The following ZNF541 variants were observed in gnomAD, a reference collection of about 807,000 sequenced individuals.
ZNF541 encodes the protein zinc finger protein 541.
Under a neutral mutation model 123.5 loss-of-function variants are expected in ZNF541, and 23 were observed. The ratio of observed to expected loss-of-function variants is 0.19; its 90% CI spans 0.13 to 0.26. The LOEUF (loss-of-function observed/expected upper bound fraction) is 0.26. Ranked by LOEUF, ZNF541 falls within the 10% of genes least tolerant of loss-of-function variation. The pLI is 1.00. For missense variants in ZNF541, 1,612 were observed against 1,789.9 expected, an observed-to-expected ratio of 0.90 and a Z score of 1.79; for synonymous variants, 751 against 754.5, an observed-to-expected ratio of 1.00 and a Z score of 0.08.
chr19:47,569,934 A>G (rs761622174), intron 2 of ZNF541, among the ~76,000 whole-genome samples: 2 of 151,920 alleles, frequency 1.3e-5, no homozygotes, highest in Non-Finnish European at 2.9e-5. Context: ...TCCCTCCTAT[A>G]GTCTTATAGT....
At chr19:47,540,610 T>G (rs1299461910) in intron 6 of ZNF541, among the ~76,000 whole-genome samples, 1 of 152,172 alleles carries the variant, frequency 6.6e-6, no homozygotes, top group Non-Finnish European at 1.5e-5. Context: ...TGGCTAATTT[T>G]TATATTTCTA....
At position 47,521,116 on chromosome 19, in the gene ZNF541, G is replaced by A. The variant is rs560216403; in HGVS notation, c.*108C>T. ...TGTTTGCAGGCAGGTTGGCCAACAG[G>A]GGACAGGGAGGGTGGGGGGAGGCAG... On this transcript the variant is annotated 3_prime_UTR_variant, in exon 17 of 17. Coordinates refer to ENST00000391901, the MANE Select transcript of ZNF541 (RefSeq NM_001277075.3). This position sits in a 1 kb window ranked among gnomAD's most constrained non-coding sequence, Gnocchi z 4.2. The A allele has an allele frequency of 3.6e-5, 50 of 1,389,644 alleles. No homozygotes were observed. In the South Asian group the frequency reaches 7.0e-4, roughly 19 times the overall value. The allele number at this position is 1,389,644 out of a possible 1,614,324, so 86.1% of individuals were successfully genotyped here.
intron 13 of ZNF541, among the ~76,000 whole-genome samples, chr19:47,529,347 C>G (rs1462398202): frequency 6.6e-6 from 1 of 152,318 alleles, no homozygotes; most frequent in East Asian, 1.9e-4. Flanking sequence ...GATCATTCCC[C>G]TTCCAGCTGG....
chr19:47,528,800 T>C (rs140941011), intron 14 of ZNF541, 150 bp downstream of exon 14: 62 of 623,312 alleles, frequency 9.9e-5, no homozygotes, highest in Admixed American at 1.7e-4. Context: ...TTCATGAGGA[T>C]AGCTTTTTGA....
intron 11 of ZNF541, 88 bp from the exon 12 acceptor site, chr19:47,531,833 G>C: frequency 8.2e-7 from 1 of 1,222,424 alleles, no homozygotes; most frequent in South Asian, 1.5e-5. Context: ...CAGCAGAGAG[G>C]GGGTGCCTTC....
At chr19:47,562,087 A>G (rs1208228851) in intron 2 of ZNF541, among the ~76,000 whole-genome samples, 1 of 152,080 alleles carries the variant, frequency 6.6e-6, no homozygotes, top group Non-Finnish European at 1.5e-5. Flanking sequence ...CGTCCCTACT[A>G]AAAATATAAA....
At chr19:47,561,932 T>C (rs1017257461) in intron 2 of ZNF541, among the ~76,000 whole-genome samples, 4 of 152,158 alleles carry the variant, frequency 2.6e-5, no homozygotes, top group African/African-American at 9.6e-5. Flanking sequence ...TTCCCAGAGT[T>C]ACCAGACTGC....
At chr19:47,539,138 C>T (rs1969965116) in intron 8 of ZNF541, among the ~76,000 whole-genome samples, 1 of 152,062 alleles carries the variant, frequency 6.6e-6, no homozygotes, top group South Asian at 2.1e-4. Flanking sequence ...AGGCCTGTCT[C>T]CTCCACTGGA....
At chr19:47,546,219 A>AAAG (rs1970351771) in intron 4 of ZNF541, among the ~76,000 whole-genome samples, 1 of 151,808 alleles carries the variant, frequency 6.6e-6, no homozygotes, top group Non-Finnish European at 1.5e-5. Context: ...AAAAAAAAAA[A>AAAG]AAAACCAGCG....
At chr19:47,532,423 C>T (rs1169981301) in intron 10 of ZNF541, among the ~76,000 whole-genome samples, 153 bp from the exon 11 acceptor site, 2 of 152,134 alleles carry the variant, frequency 1.3e-5, no homozygotes, top group East Asian at 1.9e-4. Context: ...GTGCTGTTCC[C>T]GACAGATGCA....
In ZNF541 at chr19:47,521,682, G is replaced by T. The variant is rs1279217851; in HGVS notation, c.3712-28C>A. 3 of 1,549,706 alleles carry T rather than the reference G, an allele frequency of 1.9e-6. No homozygotes were observed. Among genetic ancestry groups the T allele is most frequent in the South Asian group, 2.4e-5 (2 of 83,834 alleles). Reference sequence around the variant, plus strand: ...GCAGAGGGAGCAAAAGTGACATAAGGGTGCTGACCTGTCCTGCTGTAAGAG... The same window carrying T: ...GCAGAGGGAGCAAAAGTGACATAAGTGTGCTGACCTGTCCTGCTGTAAGAG... On this transcript the variant is annotated intron_variant, in intron 15 of 16. Transcript: ENST00000391901. This position sits in a 1 kb window ranked among gnomAD's most constrained non-coding sequence, Gnocchi z 4.2.
chr19:47,521,621 G>C lies in ZNF541; in HGVS notation c.3745C>G (p.His1249Asp), dbSNP rs1568477974. Reference sequence around the variant, plus strand: ...TTGGTCTTTAACTTGGGAGTTGGATGGTGGCTGGGTCTCTCCCGAGGGCTG... The same window carrying C: ...TTGGTCTTTAACTTGGGAGTTGGATCGTGGCTGGGTCTCTCCCGAGGGCTG... Reference protein sequence around the residue: ...PCSPRERPSHHPTPKLKTKSY... With the variant: ...PCSPRERPSHDPTPKLKTKSY... The change falls in exon 16 of 17, where the codon CAT becomes GAT. Residue 1249 changes from histidine (H) to aspartate (D), a missense_variant. Around this residue, in one of 5 missense-constraint regions of ZNF541, gnomAD observed 285 missense variants for 407.3 expected, o/e 0.70. Transcript: ENST00000391901. This position sits in a 1 kb window ranked among gnomAD's most constrained non-coding sequence, Gnocchi z 4.2. 6.4e-7 allele frequency: 1 copy of C among 1,551,762 alleles called. No individual in the cohort carries two copies. Among genetic ancestry groups the C allele is most frequent in the Non-Finnish European group, 8.7e-7 (1 of 1,146,976 alleles).
intron 12 of ZNF541, among the ~76,000 whole-genome samples, chr19:47,530,182 T>C (rs1969497590): frequency 6.6e-6 from 1 of 151,178 alleles, no homozygotes; most frequent in African/African-American, 2.4e-5. Context: ...TTTTTTCTTT[T>C]TTTTGAGACA....
rs1970261102 is a variant in ZNF541, at chr19:47,544,935, C to T, written c.1594G>A (p.Ala532Thr). 2 of 1,535,374 alleles carry T rather than the reference C, an allele frequency of 1.3e-6. No homozygotes were observed. Residue 532 changes from alanine (A) to threonine (T), a missense_variant, in exon 5 of 17, where the codon GCG (alanine) becomes ACG (threonine). Coordinates refer to ENST00000391901, the MANE Select transcript of ZNF541 (RefSeq NM_001277075.3). The part of the protein sequence containing the change: ...QEAQKAGGLP[A>T]DASPLFRQLF... Reference sequence around the variant, plus strand: ...TGGCGGAAGAGCGGCGAGGCATCCGCAGGGAGCCCGCCTGCCTTCTGGGCC... The same window carrying T: ...TGGCGGAAGAGCGGCGAGGCATCCGTAGGGAGCCCGCCTGCCTTCTGGGCC...
chr19:47,537,563 CAAA>C (rs369951057), intron 9 of ZNF541, among the ~76,000 whole-genome samples: 4 of 56,490 alleles, frequency 7.1e-5, no homozygotes, highest in Admixed American at 2.1e-4. Flanking sequence ...TACTCTGTCT[CAAA>C]AAAAAAAAAA....
Position 47,545,645 on chromosome 19 carries a change from G to A in ZNF541, c.884C>T (p.Ala295Val). 1.3e-6 allele frequency: 2 copies of A among 1,549,994 alleles called. No individual in the cohort carries two copies. The highest frequency in any genetic ancestry group is 8.7e-7 in the Non-Finnish European group (1 of 1,146,802). Residue 295 changes from alanine to valine, a missense_variant, in exon 5 of 17, where the codon GCG (alanine) becomes GTG (valine). This residue lies in a region of ZNF541 where 1,080 missense variants were observed against 1,013.8 expected (regional missense o/e 1.07). Transcript: ENST00000391901. The surrounding 1 kb of genome is among the most constrained non-coding windows in gnomAD (Gnocchi z 7.5). Reference protein sequence around the residue: ...QKTPSPGPAPAGASDSEGRNT... With the variant: ...QKTPSPGPAPVGASDSEGRNT... ...CCTCCCTTCGCTGTCTGAAGCCCCCGCCGGGGCTGGGCCAGGAGAAGGGGT... is the reference window on the plus strand; with the variant it reads ...CCTCCCTTCGCTGTCTGAAGCCCCCACCGGGGCTGGGCCAGGAGAAGGGGT...
intron 3 of ZNF541, among the ~76,000 whole-genome samples, chr19:47,555,082 A>AG (rs1358966472): frequency 2.0e-5 from 3 of 151,270 alleles, no homozygotes; most frequent in Admixed American, 6.6e-5. Flanking sequence ...AAAAAAAAAA[A>AG]GAATTGGCCG....
chr19:47,521,046 C>T lies in ZNF541; in HGVS notation c.*178G>A, dbSNP rs544101787. ...ACCGGACAGGGACTGCATAGCTGTC[C>T]GACAACTGAGCTCCTCCTGCCTATC... is the stretch of plus-strand genomic sequence containing the variant. On this transcript the variant is annotated 3_prime_UTR_variant, in exon 17 of 17. Coordinates refer to ENST00000391901, the MANE Select transcript of ZNF541 (RefSeq NM_001277075.3). The surrounding 1 kb of genome is among the most constrained non-coding windows in gnomAD (Gnocchi z 4.2). 20 of 714,220 alleles carry T rather than the reference C, an allele frequency of 2.8e-5. No homozygotes were observed. The highest frequency in any genetic ancestry group is 4.0e-4 in the Middle Eastern group (1 of 2,478). 44.2% of individuals were successfully genotyped at this position (714,220 alleles called of 1,614,324 possible).
At chr19:47,530,272 G>A (rs1257193489) in intron 12 of ZNF541, among the ~76,000 whole-genome samples, 1 of 150,406 alleles carries the variant, frequency 6.6e-6, no homozygotes, top group Non-Finnish European at 1.5e-5. Context: ...CAGTTCAAGT[G>A]ATTCTCCTGC....
Sources: gnomAD v4.1 joint callset for allele counts (sites outside exome capture counted in the v4.1 genomes callset) on GRCh38, gnomAD v4.1.1 for gene constraint, gnomAD v4.1.1 regional missense constraint, Gnocchi (gnomAD v3.1) non-coding constraint, MANE v1.5 for transcripts, NCBI Gene and HGNC (gene_info 2026-07-23, HGNC 2026-07-21) for gene names.